DYNAP: variants seen among roughly 807,000 people sequenced by gnomAD.
DYNAP encodes the protein dynactin associated protein, also known as dynactin-associated protein.
In DYNAP, 7 loss-of-function variants were observed where a neutral mutation model predicts 8.5. That is an observed-to-expected ratio of 0.82 (90% CI 0.47 to 1.54). DYNAP has a LOEUF of 1.54. Ranked by LOEUF, DYNAP falls within the 40% of genes most tolerant of loss-of-function variation. The probability of loss-of-function intolerance (pLI) is 0.01; values close to 1 mark genes in which losing one functional copy is unlikely to be tolerated. For synonymous variants in DYNAP, 77 were observed against 77.9 expected (o/e 0.99, Z 0.06); for missense variants, 256 against 224.3 (o/e 1.14, Z -0.90).
In DYNAP at chr18:54,597,962, A is replaced by G. The variant is rs979489628; in HGVS notation, c.372A>G (p.Leu124=). The change falls in exon 3 of 3, where the codon CTA becomes CTG. Residue 124 remains leucine, a synonymous_variant. Transcript: ENST00000648945. ...GSANSSIVIQ[L]STNDGECVTV... is the part of the protein sequence containing the mutation. ...CCAATTCCTCCATTGTTATCCAGCT[A>G]TCCACAAATGATGGAGAGTGTGTGA... 1 of 1,613,478 alleles carries G rather than the reference A, an allele frequency of 6.2e-7. No homozygotes were observed. The highest frequency in any genetic ancestry group is 1.3e-5 in the African/African-American group (1 of 74,864).
chr18:54,590,523 C>T (rs921824493), upstream of DYNAP, among the ~76,000 whole-genome samples: 1 of 152,070 alleles, frequency 6.6e-6, no homozygotes, highest in African/African-American at 2.4e-5. Context: ...GTGTCATATA[C>T]AAAGAGAATA....
At chr18:54,580,227 T>G in the DYNAP span, among the ~76,000 whole-genome samples, 1 of 152,228 alleles carries the variant, frequency 6.6e-6, no homozygotes, top group Non-Finnish European at 1.5e-5. Flanking sequence ...GCAGTAAAAA[T>G]TATGACTTGG....
chr18:54,593,502 A>T (rs1911165496), intron 1 of DYNAP, among the ~76,000 whole-genome samples: 1 of 152,196 alleles, frequency 6.6e-6, no homozygotes, highest in Non-Finnish European at 1.5e-5. Context: ...GTAAGTGGGT[A>T]ATTTTAGTAT....
At chr18:54,594,188 A>G (rs1003066193) in intron 1 of DYNAP, among the ~76,000 whole-genome samples, 1 of 152,066 alleles carries the variant, frequency 6.6e-6, no homozygotes, top group African/African-American at 2.4e-5. Flanking sequence ...AGACTCCTTG[A>G]GAGTGGAGAC....
At chr18:54,585,012 C>T (rs1304589662), upstream of DYNAP, among the ~76,000 whole-genome samples, 1 of 151,880 alleles carries the variant, frequency 6.6e-6, no homozygotes, top group African/African-American at 2.4e-5. Flanking sequence ...TATAAACAGG[C>T]TAACATTTTG....
At chr18:54,591,670 T>G (rs1344579355) in intron 1 of DYNAP, among the ~76,000 whole-genome samples, 1 of 152,122 alleles carries the variant, frequency 6.6e-6, no homozygotes, top group Non-Finnish European at 1.5e-5. Flanking sequence ...GTTTATTTAT[T>G]AAGTTCTGTT....
rs746080132 is a variant in DYNAP at position 54,598,163 on chromosome 18, A to G, written c.*18A>G. 15 of 1,584,612 alleles carry G rather than the reference A, an allele frequency of 9.5e-6. No individual in the cohort carries two copies. In the Admixed American group the frequency reaches 1.7e-4, roughly 18 times the overall value. On this transcript the variant is annotated 3_prime_UTR_variant, in exon 3 of 3. Transcript: ENST00000648945. ...ATTTATAATTTGAACAGCCATAGCC[A>G]TCACTTCAACTGAAACTTCAACCTC...
intron 1 of DYNAP, among the ~76,000 whole-genome samples, chr18:54,592,332 T>C (rs1299284878): frequency 6.6e-6 from 1 of 152,136 alleles, no homozygotes; most frequent in Non-Finnish European, 1.5e-5. Context: ...TTCTAGATAA[T>C]AACAAATGTA....
upstream of DYNAP, among the ~76,000 whole-genome samples, chr18:54,588,206 A>ATT (rs11364471): frequency 4.3e-5 from 6 of 138,838 alleles, no homozygotes; most frequent in Admixed American, 1.4e-4. Context: ...GTTGGGAATA[A>ATT]TTTTTTTTTT....
At chr18:54,595,131 C>G in intron 2 of DYNAP, 28 bp downstream of exon 2, 1 of 1,594,746 alleles carries the variant, frequency 6.3e-7, no homozygotes, top group African/African-American at 1.3e-5. Context: ...AGCTTTTATT[C>G]AAGTTGGGAT....
upstream of DYNAP, among the ~76,000 whole-genome samples, chr18:54,588,916 C>A (rs974720509): frequency 6.6e-6 from 1 of 152,058 alleles, no homozygotes; most frequent in Admixed American, 6.6e-5. Context: ...TCACAAGGAT[C>A]TTTCATGCTT....
chr18:54,588,545 G>A (rs1910961676), upstream of DYNAP, among the ~76,000 whole-genome samples: 1 of 152,078 alleles, frequency 6.6e-6, no homozygotes, highest in African/African-American at 2.4e-5. Flanking sequence ...TGCTTTGTCA[G>A]TATAACCATA....
At position 54,591,263 on chromosome 18, in the gene DYNAP, G is replaced by C; in HGVS notation, c.-20G>C. The C allele has an allele frequency of 6.2e-7, 1 of 1,612,776 alleles. No individual in the cohort carries two copies. The highest frequency in any genetic ancestry group is 2.2e-5 in the East Asian group (1 of 44,804). On this transcript the variant is annotated 5_prime_UTR_variant, in exon 1 of 3. Coordinates refer to ENST00000648945, the MANE Select transcript of DYNAP (RefSeq NM_173629.3). ...GAAAAATATTCTTGGAGAGAAGCTTGTGATACTGGCAGCTCAAGAATGGAC... is the reference window on the plus strand; with the variant it reads ...GAAAAATATTCTTGGAGAGAAGCTTCTGATACTGGCAGCTCAAGAATGGAC...
At chr18:54,589,702 A>G (rs1031252738), upstream of DYNAP, among the ~76,000 whole-genome samples, 2 of 152,184 alleles carry the variant, frequency 1.3e-5, no homozygotes, top group Non-Finnish European at 2.9e-5. Flanking sequence ...TGCCATCAAT[A>G]GTAATGGAGT....
Position 54,597,852 on chromosome 18 carries a change from G to A in DYNAP, c.262G>A (p.Val88Ile), listed in dbSNP as rs1275001845. 6.2e-7 allele frequency: 1 copy of A among 1,613,016 alleles called. No homozygotes were observed. Among genetic ancestry groups the A allele is most frequent in the Non-Finnish European group, 8.5e-7 (1 of 1,179,264 alleles). Residue 88 changes from valine (V) to isoleucine (I), a missense_variant, in exon 3 of 3, where the codon GTC becomes ATC. Val to Ile is a conservative substitution (Grantham distance 29). Transcript: ENST00000648945. ...CCGCAATGACTGGTCTATGTGGAAA[G>A]TCTTCCTGGCTTGTCTCTTAGCCTG... ...YCRNDWSMWK[V>I]FLACLLACVI...
upstream of DYNAP, among the ~76,000 whole-genome samples, chr18:54,583,025 A>G (rs2144879251): frequency 6.6e-6 from 1 of 152,340 alleles, no homozygotes. Context: ...ACCAAGTCAG[A>G]TAACAGATAT....
the DYNAP span, among the ~76,000 whole-genome samples, chr18:54,581,807 T>C: frequency 4.6e-5 from 7 of 152,140 alleles, no homozygotes; most frequent in African/African-American, 1.4e-4. Flanking sequence ...ATTGAAAAAA[T>C]ATATTTCAGT....
chr18:54,586,311 C>A (rs569781405), upstream of DYNAP, among the ~76,000 whole-genome samples: 2 of 152,128 alleles, frequency 1.3e-5, no homozygotes, highest in Non-Finnish European at 2.9e-5. Flanking sequence ...GATTGCCGAT[C>A]CTCATACTCT....
At chr18:54,577,204 C>T in the DYNAP span, among the ~76,000 whole-genome samples, 1 of 152,222 alleles carries the variant, frequency 6.6e-6, no homozygotes, top group South Asian at 2.1e-4. Context: ...TTAAAAATCT[C>T]CAAGATTAGG....
Sources: gnomAD v4.1 joint callset for allele counts (sites outside exome capture counted in the v4.1 genomes callset) on GRCh38, gnomAD v4.1.1 for gene constraint, MANE v1.5 for transcripts, NCBI Gene and HGNC (gene_info 2026-07-23, HGNC 2026-07-21) for gene names.